DOCK7: variants seen among roughly 807,000 people sequenced by gnomAD.
The protein encoded by DOCK7 is dedicator of cytokinesis protein 7.
In DOCK7, 138 loss-of-function variants were observed where a neutral mutation model predicts 271.0. That is an observed-to-expected ratio of 0.51 (90% CI 0.44 to 0.59). DOCK7 has a LOEUF of 0.59. Among genes scored for constraint, DOCK7 ranks in the 20% least tolerant of loss-of-function variants. The pLI, the probability that DOCK7 is intolerant of heterozygous loss-of-function variation, is 0.00. For synonymous variants in DOCK7, 823 were observed against 876.1 expected (o/e 0.94, Z 1.07); for missense variants, 2,066 against 2,592.4 (o/e 0.80, Z 4.41).
chr1:62,611,592 T>A (rs1651795169), intron 14 of DOCK7, among the ~76,000 whole-genome samples: 1 of 152,240 alleles, frequency 6.6e-6, no homozygotes, highest in East Asian at 1.9e-4. Flanking sequence ...CACAAAAAAA[T>A]TAGCAGCCCA....
At chr1:62,648,034 C>G in intron 6 of DOCK7, 72 bp downstream of exon 6, 2 of 1,404,682 alleles carry the variant, frequency 1.4e-6, no homozygotes, top group Non-Finnish European at 2.0e-6. Context: ...TTTTGTAATA[C>G]TATATATCAA....
At chr1:62,652,049 T>C (rs1657450164) in intron 4 of DOCK7, among the ~76,000 whole-genome samples, 1 of 152,190 alleles carries the variant, frequency 6.6e-6, no homozygotes, top group Non-Finnish European at 1.5e-5. Flanking sequence ...GCTATTCTAT[T>C]AGCCTAAGCC....
In DOCK7 at chr1:62,633,521, A is replaced by G; in HGVS notation, c.1093T>C (p.Phe365Leu). The G allele has an allele frequency of 6.2e-7, 1 of 1,613,044 alleles. No individual in the cohort carries two copies. The highest frequency in any genetic ancestry group is 8.5e-7 in the Non-Finnish European group (1 of 1,179,418). The change falls in exon 10 of 50, where the codon TTC (phenylalanine) becomes CTC (leucine). Residue 365 changes from phenylalanine (F) to leucine (L), a missense_variant. Physicochemically the swap from Phe to Leu is conservative, Grantham distance 22 (BLOSUM62 0). Around this residue, in one of 2 missense-constraint regions of DOCK7, gnomAD observed 1,414 missense variants for 1,670.4 expected, o/e 0.85. Transcript: ENST00000635253. Reference sequence around the variant, plus strand: ...ACCTTGGTGGCATCTGCTTCTTTGAAAATCATATATGGTTCTGCACACTCT... The same window carrying G: ...ACCTTGGTGGCATCTGCTTCTTTGAGAATCATATATGGTTCTGCACACTCT... ...IGECAEPYMI[F>L]KEADATKNKE... is the part of the protein sequence containing the mutation.
intron 19 of DOCK7, 59 bp downstream of exon 19, chr1:62,561,558 T>G: frequency 9.4e-7 from 1 of 1,062,946 alleles, no homozygotes; most frequent in African/African-American, 1.7e-5. Flanking sequence ...TCACAAGTAT[T>G]AGATATTACG....
At chr1:62,539,004 GT>G (rs755610922) in intron 27 of DOCK7, among the ~76,000 whole-genome samples, 10 of 152,270 alleles carry the variant, frequency 6.6e-5, no homozygotes, top group Non-Finnish European at 1.5e-4. Context: ...TCACTAATCA[GT>G]TGATAAAAAT....
intron 37 of DOCK7, among the ~76,000 whole-genome samples, chr1:62,501,544 GAAA>G (rs1646784240): frequency 6.6e-6 from 1 of 152,030 alleles, no homozygotes; most frequent in Non-Finnish European, 1.5e-5. Flanking sequence ...GTGGAGGAGA[GAAA>G]AGAAAATCAG....
At chr1:62,456,763 C>T (rs1232047410) in intron 49 of DOCK7, among the ~76,000 whole-genome samples, 1 of 152,026 alleles carries the variant, frequency 6.6e-6, no homozygotes, top group Non-Finnish European at 1.5e-5. Context: ...CCCTGGCTCT[C>T]TGGGATCTCT....
At position 62,633,631 on chromosome 1, in the gene DOCK7, G is replaced by A; in HGVS notation, c.1036-53C>T. ...AAGCTTTTAAAAGCCTGAAATTCAAGGATGGTTCAATATACGAAAATCAAT... is the reference window on the plus strand; with the variant it reads ...AAGCTTTTAAAAGCCTGAAATTCAAAGATGGTTCAATATACGAAAATCAAT... On this transcript the variant is annotated intron_variant, in intron 9 of 49. Transcript: ENST00000635253. 2.3e-6 allele frequency: 3 copies of A among 1,313,572 alleles called. No individual in the cohort carries two copies. In the South Asian group the frequency reaches 3.6e-5, roughly 16 times the overall value. The allele number at this position is 1,313,572 out of a possible 1,614,324, so 81.4% of individuals were successfully genotyped here.
chr1:62,535,915 A>G (rs1195505002), intron 28 of DOCK7, among the ~76,000 whole-genome samples: 1 of 152,122 alleles, frequency 6.6e-6, no homozygotes, highest in East Asian at 1.9e-4. Flanking sequence ...TTATTCTCTT[A>G]GCCACTTTTC....
At position 62,555,957 on chromosome 1, in the gene DOCK7, C is replaced by T; in HGVS notation, c.2464G>A (p.Ala822Thr). Reference sequence around the variant, plus strand: ...TTGTGAAGTCGATTTATAATTGATGCCATGGCTTCAAAAGATGCTTGACCT... The same window carrying T: ...TTGTGAAGTCGATTTATAATTGATGTCATGGCTTCAAAAGATGCTTGACCT... ...NLGQASFEAM[A>T]SIINRLHKNL... Residue 822 changes from alanine to threonine, a missense_variant, in exon 21 of 50, where the codon GCA becomes ACA. Around this residue, in one of 2 missense-constraint regions of DOCK7, gnomAD observed 1,414 missense variants for 1,670.4 expected, o/e 0.85. Transcript: ENST00000635253. 1.2e-6 allele frequency: 2 copies of T among 1,613,652 alleles called. No individual in the cohort carries two copies. Among genetic ancestry groups the T allele is most frequent in the South Asian group, 1.1e-5 (1 of 91,028 alleles).
At chr1:62,463,480 G>C (rs889499543) in intron 48 of DOCK7, among the ~76,000 whole-genome samples, 3 of 152,088 alleles carry the variant, frequency 2.0e-5, no homozygotes, top group African/African-American at 4.8e-5. Flanking sequence ...AAAATCTCTT[G>C]TACATGTATG....
chr1:62,468,053 C>T (rs1455942850), intron 48 of DOCK7, among the ~76,000 whole-genome samples: 4 of 152,100 alleles, frequency 2.6e-5, no homozygotes, highest in Non-Finnish European at 5.9e-5. Flanking sequence ...CAAAATCCAG[C>T]ACCCCTTGAT....
At chr1:62,501,941 T>C (rs1444717390) in intron 37 of DOCK7, among the ~76,000 whole-genome samples, 1 of 152,106 alleles carries the variant, frequency 6.6e-6, no homozygotes, top group Non-Finnish European at 1.5e-5. Flanking sequence ...CACAAATAAA[T>C]TAGCAACTTA....
intron 20 of DOCK7, among the ~76,000 whole-genome samples, chr1:62,557,620 T>A (rs980502902): frequency 3.4e-5 from 5 of 146,632 alleles, no homozygotes; most frequent in Admixed American, 2.8e-4. Flanking sequence ...GCATACTAGA[T>A]AAGAGAGAGA....
At chr1:62,511,686 C>T (rs531753257) in intron 33 of DOCK7, among the ~76,000 whole-genome samples, 3 of 152,074 alleles carry the variant, frequency 2.0e-5, no homozygotes, top group Non-Finnish European at 4.4e-5. Context: ...ATTTCTTTCC[C>T]TTTTCTTTCC....
In DOCK7 at chr1:62,541,514, T is replaced by G. The variant is rs75656204; in HGVS notation, c.3045+1094A>C. On this transcript the variant is annotated intron_variant, in intron 25 of 49. Transcript: ENST00000635253. ...TTCAGCCTATTCAATGTGAAGACAATGAGGATGGAGACATTTATGATGATC... is the reference window on the plus strand; with the variant it reads ...TTCAGCCTATTCAATGTGAAGACAAGGAGGATGGAGACATTTATGATGATC... Among the ~76,000 whole-genome samples the G allele has an allele frequency of 6.0e-3, 918 of 152,274 alleles. 13 individuals are homozygous for G. Among genetic ancestry groups the G allele is most frequent in the African/African-American group, 0.021 (891 of 41,556 alleles).
intron 7 of DOCK7, among the ~76,000 whole-genome samples, chr1:62,639,271 A>G (rs139182120): frequency 6.6e-6 from 1 of 152,084 alleles, no homozygotes; most frequent in Non-Finnish European, 1.5e-5. Flanking sequence ...ATGCTAATTT[A>G]CTTATTCAGA....
At chr1:62,676,069 C>A (rs1660520758) in intron 1 of DOCK7, among the ~76,000 whole-genome samples, 1 of 152,122 alleles carries the variant, frequency 6.6e-6, no homozygotes, top group Non-Finnish European at 1.5e-5. Flanking sequence ...TGAAAACAAG[C>A]CTTCAAACAA....
At chr1:62,569,119 G>T (rs1646677197) in intron 18 of DOCK7, among the ~76,000 whole-genome samples, 1 of 151,996 alleles carries the variant, frequency 6.6e-6, no homozygotes, top group African/African-American at 2.4e-5. Flanking sequence ...AACCAAAAAA[G>T]CCCAGGATCA....
Sources: gnomAD v4.1 joint callset for allele counts (sites outside exome capture counted in the v4.1 genomes callset) on GRCh38, gnomAD v4.1.1 for gene constraint, gnomAD v4.1.1 regional missense constraint, MANE v1.5 for transcripts, NCBI Gene and HGNC (gene_info 2026-07-23, HGNC 2026-07-21) for gene names.